CRB2: variants seen among roughly 807,000 people sequenced by gnomAD.
The protein encoded by CRB2 is protein crumbs homolog 2.
CRB2 carries 85 observed loss-of-function variants against 110.9 expected under a neutral mutation model. That is an observed-to-expected ratio of 0.77 (90% CI 0.64 to 0.92). The LOEUF is 0.92. CRB2 is among the 40% of genes least tolerant of loss of function. The pLI is 0.00. For missense variants in CRB2, 1,843 were observed against 1,851.3 expected (o/e 1.00, Z 0.08); for synonymous variants, 907 against 831.0 (o/e 1.09, Z -1.57).
chr9:123,375,340 G>C lies in CRB2; in HGVS notation c.3630G>C (p.Val1210=). Residue 1210 remains valine, a synonymous_variant, in exon 12 of 13, where the codon GTG becomes GTC. Coordinates refer to ENST00000373631, the MANE Select transcript of CRB2 (RefSeq NM_173689.7). ...NARFSGQFCE[V]AKGLPLPLPF... ...GATTCTCCGGCCAGTTCTGTGAAGTGGCGGTGAGTGTTGTCAGGGGTGAGG... is the reference window on the plus strand; with the variant it reads ...GATTCTCCGGCCAGTTCTGTGAAGTCGCGGTGAGTGTTGTCAGGGGTGAGG... 1 of 1,587,988 alleles carries C rather than the reference G, an allele frequency of 6.3e-7. No individual in the cohort carries two copies. The highest frequency in any genetic ancestry group is 8.6e-7 in the Non-Finnish European group (1 of 1,165,110).
rs1257017593 is a variant in CRB2 at position 123,371,138 on chromosome 9, C to G, written c.1996C>G (p.Pro666Ala). Reference protein sequence around the residue: ...SSASFLLQELPGPNLTVSFLL... With the variant: ...SSASFLLQELAGPNLTVSFLL... ...TGCCTCCTTTCTGCTCCAAGAGCTGCCAGGTCCCAACCTCACAGTGTCTTT... is the reference window on the plus strand; with the variant it reads ...TGCCTCCTTTCTGCTCCAAGAGCTGGCAGGTCCCAACCTCACAGTGTCTTT... The change falls in exon 8 of 13, where the codon CCA becomes GCA. Residue 666 changes from proline (P) to alanine (A), a missense_variant. Transcript: ENST00000373631. 1.9e-6 allele frequency: 3 copies of G among 1,613,482 alleles called. No homozygotes were observed. The African/African-American group carries it at 4.0e-5, about 22-fold the overall frequency.
Position 123,370,138 on chromosome 9 carries a change from G to A in CRB2, c.1085G>A (p.Cys362Tyr). 6.3e-7 allele frequency: 1 copy of A among 1,599,388 alleles called. No individual in the cohort carries two copies. The highest frequency in any genetic ancestry group is 8.5e-7 in the Non-Finnish European group (1 of 1,171,232). Reference protein sequence around the residue: ...GPTCEEDVDECLSDPCLHGGT... With the variant: ...GPTCEEDVDEYLSDPCLHGGT... ...ACATGTGAGGAAGATGTGGATGAAT[G>A]CCTGTCGGATCCCTGCCTGCACGGC... The change falls in exon 7 of 13, where the codon TGC becomes TAC. Residue 362 changes from cysteine to tyrosine, a missense_variant. By Grantham distance (194) the Cys-to-Tyr change is radical. Transcript: ENST00000373631.
At chr9:123,356,569 AG>A (rs1275489170) in intron 1 of CRB2, among the ~76,000 whole-genome samples, 2 of 11,230 alleles carry the variant, frequency 1.8e-4, no homozygotes, top group Admixed American at 1.2e-3. Context: ...TTTCATGTTG[AG>A]GGGGGTTGTA....
Position 123,356,331 on chromosome 9 carries a change from C to T in CRB2, c.71C>T (p.Ala24Val), listed in dbSNP as rs948060868. 1.3e-6 allele frequency: 2 copies of T among 1,547,400 alleles called. No individual in the cohort carries two copies. The highest frequency in any genetic ancestry group is 2.0e-5 in the Admixed American group (1 of 50,678). The change falls in exon 1 of 13, where the codon GCC becomes GTC. Residue 24 changes from alanine to valine, a missense_variant. Coordinates refer to ENST00000373631, the MANE Select transcript of CRB2 (RefSeq NM_173689.7). ...LASVLLLLLW[A>V]PALSLLAGTV... ...TCTGTCCTGCTACTGCTGCTCTGGG[C>T]CCCTGCCCTTTCCCTCCTGGCTGGT...
At chr9:123,362,223 C>T (rs560132575) in intron 1 of CRB2, among the ~76,000 whole-genome samples, 3 of 152,230 alleles carry the variant, frequency 2.0e-5, no homozygotes, top group Admixed American at 6.5e-5. Flanking sequence ...TTGAAGTTGT[C>T]CACCCATCCT....
In CRB2 at chr9:123,366,273, G is replaced by A. The variant is rs368631180; in HGVS notation, c.661G>A (p.Glu221Lys). Residue 221 changes from glutamate (E) to lysine (K), a missense_variant, in exon 4 of 13, where the codon GAG (glutamate) becomes AAG (lysine). Coordinates refer to ENST00000373631, the MANE Select transcript of CRB2 (RefSeq NM_173689.7). ...CACCGGCTACGAGGGCACGCACTGC[G>A]AGCGGGAGGTGCTGGAGTGCGCATC... Reference protein sequence around the residue: ...AGTGYEGTHCEREVLECASAP... With the variant: ...AGTGYEGTHCKREVLECASAP... 5.0e-5 allele frequency: 76 copies of A among 1,509,362 alleles called. 1 individual carries two copies. The African/African-American group carries it at 8.1e-4, about 16-fold the overall frequency. 93.5% of individuals were successfully genotyped at this position (1,509,362 alleles called of 1,614,324 possible). A position where few individuals can be genotyped will look rare whatever the true frequency, so the allele number is the denominator to read the frequency against.
chr9:123,354,445 A>G (rs1252955130), upstream of CRB2, among the ~76,000 whole-genome samples: 1 of 152,258 alleles, frequency 6.6e-6, no homozygotes, highest in African/African-American at 2.4e-5. Context: ...GAGAAGCTGG[A>G]TAAAGAGAGC....
rs116216939 is a variant in CRB2 at position 123,356,632 on chromosome 9, C to T, written c.94+278C>T. ...TGGGCATGATTTGGGGGAGCTGATG[C>T]GGGTGAGGGATGGGGTGCGTGTTTT... On this transcript the variant is annotated intron_variant, in intron 1 of 12. Coordinates refer to ENST00000373631, the MANE Select transcript of CRB2 (RefSeq NM_173689.7). 7.5e-3 allele frequency among the ~76,000 whole-genome samples: 1,123 copies of T among 150,274 alleles called. 11 individuals carry two copies. The highest frequency in any genetic ancestry group is 0.026 in the African/African-American group (1,052 of 40,662).
rs1437269995 is a variant in CRB2 at position 123,373,632 on chromosome 9, C to T, written c.3101C>T (p.Ala1034Val). 1 of 1,371,214 alleles carries T rather than the reference C, an allele frequency of 7.3e-7. No individual in the cohort carries two copies. The highest frequency in any genetic ancestry group is 3.1e-5 in the East Asian group (1 of 32,110). The allele number at this position is 1,371,214 out of a possible 1,614,324, so 84.9% of individuals were successfully genotyped here. ...LPLARPRPGA[A>V]PGAREHFASW... ...TTGGCGCGGCCCCGGCCCGGCGCGGCCCCTGGCGCCCGAGAGCACTTCGCG... is the reference window on the plus strand; with the variant it reads ...TTGGCGCGGCCCCGGCCCGGCGCGGTCCCTGGCGCCCGAGAGCACTTCGCG... The change falls in exon 10 of 13, where the codon GCC becomes GTC. Residue 1034 changes from alanine to valine, a missense_variant. Ala to Val is a moderately conservative substitution (Grantham distance 64). Transcript: ENST00000373631.
rs774042569 is a variant in CRB2, at chr9:123,371,123, C to T, written c.1981C>T (p.Leu661=). Residue 661 remains leucine, a synonymous_variant, in exon 8 of 13, where the codon CTG becomes TTG. Coordinates refer to ENST00000373631, the MANE Select transcript of CRB2 (RefSeq NM_173689.7). ...AGGCGCCCCAAGCTCTGCCTCCTTTCTGCTCCAAGAGCTGCCAGGTCCCAA... is the reference window on the plus strand; with the variant it reads ...AGGCGCCCCAAGCTCTGCCTCCTTTTTGCTCCAAGAGCTGCCAGGTCCCAA... ...LGGAPSSASF[L]LQELPGPNLT... is the part of the protein sequence containing the mutation. 2 of 1,613,418 alleles carry T rather than the reference C, an allele frequency of 1.2e-6. No individual in the cohort carries two copies. The highest frequency in any genetic ancestry group is 1.3e-5 in the African/African-American group (1 of 74,958).
At chr9:123,371,663 CT>C (rs2132782526) in intron 8 of CRB2, 85 bp downstream of exon 8, 2 of 1,568,702 alleles carry the variant, frequency 1.3e-6, no homozygotes, top group Non-Finnish European at 1.7e-6. Context: ...TTAGTGTGTC[CT>C]TTTGCTGATG....
chr9:123,360,459 C>T lies in CRB2; in HGVS notation c.95-2406C>T, dbSNP rs963918079. On this transcript the variant is annotated intron_variant, in intron 1 of 12. Transcript: ENST00000373631. ...CTCCGCCCTGCTGCCCTCCACACCC[C>T]GCCCCTCCTTGCCTCTCCTGTCTGG... 5.3e-5 allele frequency among the ~76,000 whole-genome samples: 8 copies of T among 152,230 alleles called. 1 individual carries two copies. Among genetic ancestry groups the T allele is most frequent in the African/African-American group, 9.6e-5 (4 of 41,466 alleles).
intron 1 of CRB2, among the ~76,000 whole-genome samples, chr9:123,360,534 C>A (rs1588203797): frequency 2.6e-5 from 4 of 152,334 alleles, no homozygotes; most frequent in East Asian, 3.9e-4. Flanking sequence ...CAGAGACAAC[C>A]TGAGGTCAGC....
Position 123,373,641 on chromosome 9 carries a change from C to A in CRB2, c.3110C>A (p.Ala1037Asp). Residue 1037 changes from alanine (A) to aspartate (D), a missense_variant, in exon 10 of 13, where the codon GCC becomes GAC. By Grantham distance (126) the Ala-to-Asp change is moderately radical. Transcript: ENST00000373631. ...ARPRPGAAPG[A>D]REHFASWPGT... ...CCCCGGCCCGGCGCGGCCCCTGGCG[C>A]CCGAGAGCACTTCGCGTCTTGGCCT... 7.2e-7 allele frequency: 1 copy of A among 1,395,624 alleles called. No homozygotes were observed. The highest frequency in any genetic ancestry group is 1.6e-5 in the South Asian group (1 of 62,716). 86.5% of individuals were successfully genotyped at this position (1,395,624 alleles called of 1,614,324 possible).
Position 123,373,687 on chromosome 9 carries a change from C to T in CRB2, c.3156C>T (p.Leu1052=). The T allele has an allele frequency of 6.8e-7, 1 of 1,474,148 alleles. No individual in the cohort carries two copies. Among genetic ancestry groups the T allele is most frequent in the Non-Finnish European group, 8.9e-7 (1 of 1,123,306 alleles). 91.3% of individuals were successfully genotyped at this position (1,474,148 alleles called of 1,614,324 possible). Residue 1052 remains leucine, a synonymous_variant, in exon 10 of 13, where the codon CTC becomes CTT. Transcript: ENST00000373631. The part of the protein sequence containing the change: ...ASWPGTPAPI[L]GCRGAPVCAP... Reference sequence around the variant, plus strand: ...GGCCTGGGACGCCGGCCCCGATCCTCGGCTGCCGCGGCGCGCCCGTGTGTG... The same window carrying T: ...GGCCTGGGACGCCGGCCCCGATCCTTGGCTGCCGCGGCGCGCCCGTGTGTG...
chr9:123,368,385 G>A (rs531728820), intron 6 of CRB2, among the ~76,000 whole-genome samples: 3 of 152,278 alleles, frequency 2.0e-5, no homozygotes, highest in Admixed American at 2.0e-4. Flanking sequence ...GGTCCCGAAG[G>A]CCCATCCACT....
Position 123,370,801 on chromosome 9 carries a change from T to G in CRB2, c.1748T>G (p.Val583Gly). The G allele has an allele frequency of 6.2e-7, 1 of 1,603,608 alleles. No homozygotes were observed. The highest frequency in any genetic ancestry group is 1.1e-5 in the South Asian group (1 of 91,046). ...ACCTTTGCAGGCTGCCTCCAGGACG[T>G]GCGTGTGGATGGCCACCTCCTGCTG... ...DATFAGCLQD[V>G]RVDGHLLLPE... Residue 583 changes from valine to glycine, a missense_variant, in exon 7 of 13, where the codon GTG (valine) becomes GGG (glycine). Val to Gly is a moderately radical substitution (Grantham distance 109). Coordinates refer to ENST00000373631, the MANE Select transcript of CRB2 (RefSeq NM_173689.7).
rs751955521 is a variant in CRB2, at chr9:123,373,174, G to C, written c.2643G>C (p.Ala881=). Residue 881 remains alanine, a synonymous_variant, in exon 10 of 13, where the codon GCG becomes GCC. Coordinates refer to ENST00000373631, the MANE Select transcript of CRB2 (RefSeq NM_173689.7). ...EATFREGPPA[A]FSGHNASSGR... is the part of the protein sequence containing the mutation. The stretch of plus-strand genomic sequence containing the variant: ...CGTTCCGCGAGGGTCCCCCCGCCGC[G>C]TTCAGCGGGCACAACGCGTCGTCAG... The C allele has an allele frequency of 3.3e-6, 5 of 1,514,640 alleles. No individual in the cohort carries two copies. The highest frequency in any genetic ancestry group is 2.9e-5 in the African/African-American group (2 of 69,938). The allele number at this position is 1,514,640 out of a possible 1,614,324, so 93.8% of individuals were successfully genotyped here. A position where few individuals can be genotyped will look rare whatever the true frequency, so the allele number is the denominator to read the frequency against.
At chr9:123,362,046 T>C in intron 1 of CRB2, among the ~76,000 whole-genome samples, 1 of 152,202 alleles carries the variant, frequency 6.6e-6, no homozygotes, top group East Asian at 1.9e-4. Context: ...ATACCTGCTC[T>C]GTACCATGCG....
Sources: gnomAD v4.1 joint callset for allele counts (sites outside exome capture counted in the v4.1 genomes callset) on GRCh38, gnomAD v4.1.1 for gene constraint, MANE v1.5 for transcripts, NCBI Gene and HGNC (gene_info 2026-07-23, HGNC 2026-07-21) for gene names.